Variants in LRMDA observed in about 807,000 individuals in gnomAD.
LRMDA encodes leucine rich melanocyte differentiation associated, also known as leucine-rich melanocyte differentiation-associated protein.
In LRMDA, 18 loss-of-function variants were observed where a neutral mutation model predicts 29.8. The observed-to-expected ratio is 0.60, with a 90% CI of 0.42 to 0.90. The LOEUF (loss-of-function observed/expected upper bound fraction) is 0.90, where lower values mean the gene tolerates loss of function less well. Ranked by LOEUF, LRMDA falls within the 40% of genes least tolerant of loss-of-function variation. The pLI is 0.00. For missense variants in LRMDA, 273 were observed against 273.9 expected (o/e 1.00, Z 0.02); for synonymous variants, 125 against 109.4 (o/e 1.14, Z -0.89).
intron 6 of LRMDA, among the ~76,000 whole-genome samples, chr10:76,555,495 C>T (rs945389994): frequency 1.4e-4 from 21 of 152,092 alleles, no homozygotes; most frequent in Admixed American, 1.2e-3. Flanking sequence ...GCTTTGAGGC[C>T]GTGGAACAAT....
intron 2 of LRMDA, among the ~76,000 whole-genome samples, chr10:75,795,796 G>T (rs370869369): frequency 3.3e-5 from 5 of 152,114 alleles, no homozygotes; most frequent in South Asian, 4.1e-4. Flanking sequence ...AGCCTGTGGG[G>T]TTTTGATTGG....
chr10:76,277,338 C>T (rs1840148289), intron 5 of LRMDA, among the ~76,000 whole-genome samples: 1 of 152,098 alleles, frequency 6.6e-6, no homozygotes, highest in Non-Finnish European at 1.5e-5. Flanking sequence ...TTTTCCCCAT[C>T]CTCAGTATCC....
chr10:75,504,532 A>G (rs992754416), intron 2 of LRMDA, among the ~76,000 whole-genome samples: 4 of 152,210 alleles, frequency 2.6e-5, no homozygotes, highest in Admixed American at 2.6e-4. Flanking sequence ...GAGATATTGT[A>G]AGACAGCCTC....
At chr10:76,181,105 C>T (rs539526331) in intron 5 of LRMDA, among the ~76,000 whole-genome samples, 4 of 152,288 alleles carry the variant, frequency 2.6e-5, no homozygotes, top group African/African-American at 9.6e-5. Flanking sequence ...GGACCTGGAT[C>T]CCCAGCCCAT....
At chr10:75,621,484 T>C (rs373778406) in intron 2 of LRMDA, among the ~76,000 whole-genome samples, 2 of 152,164 alleles carry the variant, frequency 1.3e-5, no homozygotes, top group African/African-American at 4.8e-5. Flanking sequence ...AATGAATGAC[T>C]TTTTCCTCCC....
intron 5 of LRMDA, among the ~76,000 whole-genome samples, chr10:76,197,756 TA>T (rs79404626): frequency 0.17 from 25,666 of 151,714 alleles, 2,708 homozygotes; most frequent in East Asian, 0.52. Context: ...CCATCTCTAC[TA>T]AAAAATACAA....
At position 75,935,307 on chromosome 10, in the gene LRMDA, G is replaced by A. The variant is rs80296748; in HGVS notation, c.132-100701G>A. ...TCCCCCGGATGAACAATGATTGTGTGGTTGAAGACCTGGCTGAATAAGTGT... is the reference window on the plus strand; with the variant it reads ...TCCCCCGGATGAACAATGATTGTGTAGTTGAAGACCTGGCTGAATAAGTGT... On this transcript the variant is annotated intron_variant, in intron 2 of 6. Transcript: ENST00000611255. Among the ~76,000 whole-genome samples the A allele has an allele frequency of 9.6e-3, 1,467 of 152,284 alleles. 17 individuals carry two copies. Among genetic ancestry groups the A allele is most frequent in the African/African-American group, 0.034 (1,392 of 41,550 alleles).
intron 2 of LRMDA, among the ~76,000 whole-genome samples, chr10:75,900,407 T>A (rs1312332577): frequency 6.6e-6 from 1 of 152,120 alleles, no homozygotes; most frequent in African/African-American, 2.4e-5. Flanking sequence ...GGAAACAAAA[T>A]TTTTAAAAAG....
chr10:75,797,510 G>C (rs1843673026), intron 2 of LRMDA, among the ~76,000 whole-genome samples: 1 of 152,012 alleles, frequency 6.6e-6, no homozygotes, highest in Admixed American at 6.6e-5. Flanking sequence ...GAAGATTTCT[G>C]TCACCCTTAA....
At chr10:75,501,500 T>C (rs1845112923) in intron 2 of LRMDA, among the ~76,000 whole-genome samples, 1 of 152,202 alleles carries the variant, frequency 6.6e-6, no homozygotes, top group Admixed American at 6.5e-5. Flanking sequence ...GCAGGTGGTG[T>C]GGGCCTGTTT....
At chr10:76,535,005 C>A (rs1248392155) in intron 6 of LRMDA, among the ~76,000 whole-genome samples, 1 of 152,166 alleles carries the variant, frequency 6.6e-6, no homozygotes, top group Non-Finnish European at 1.5e-5. Flanking sequence ...CTTCCACCAG[C>A]AGATTATAGT....
intron 2 of LRMDA, among the ~76,000 whole-genome samples, chr10:75,464,754 G>A (rs955587300): frequency 3.3e-5 from 5 of 152,134 alleles, no homozygotes; most frequent in Non-Finnish European, 5.9e-5. Context: ...CAATACTACT[G>A]GGATCAGGGG....
chr10:76,222,746 C>A (rs949660231), intron 5 of LRMDA, among the ~76,000 whole-genome samples: 3 of 152,142 alleles, frequency 2.0e-5, no homozygotes, highest in African/African-American at 7.2e-5. Context: ...TACCATTTGA[C>A]CCAGCCATCC....
At chr10:75,718,456 T>G (rs902004211) in intron 2 of LRMDA, among the ~76,000 whole-genome samples, 1 of 152,212 alleles carries the variant, frequency 6.6e-6, no homozygotes, top group Non-Finnish European at 1.5e-5. Context: ...TGAAGTCTTG[T>G]GGCCAAGATC....
intron 2 of LRMDA, among the ~76,000 whole-genome samples, chr10:75,946,705 A>G (rs1313564168): frequency 1.3e-5 from 2 of 152,170 alleles, no homozygotes; most frequent in Admixed American, 1.3e-4. Flanking sequence ...ATTTTATAAC[A>G]TTAGTAACTT....
At chr10:76,036,732 A>G (rs528025298) in intron 3 of LRMDA, among the ~76,000 whole-genome samples, 6 of 152,256 alleles carry the variant, frequency 3.9e-5, no homozygotes, top group Admixed American at 2.6e-4. Context: ...GGCCTCCTCT[A>G]TGGAGGCAAG....
chr10:76,181,654 C>A (rs758933660), intron 5 of LRMDA, among the ~76,000 whole-genome samples: 2 of 152,152 alleles, frequency 1.3e-5, no homozygotes, highest in Non-Finnish European at 2.9e-5. Flanking sequence ...GAGATAAGGA[C>A]CTCTTTCTAA....
intron 2 of LRMDA, among the ~76,000 whole-genome samples, chr10:75,814,494 G>A (rs1844022728): frequency 6.6e-6 from 1 of 152,128 alleles, no homozygotes; most frequent in Admixed American, 6.5e-5. Context: ...GCATGTTATT[G>A]GACTTTCGTT....
chr10:76,530,892 G>A (rs1262314241), intron 6 of LRMDA, among the ~76,000 whole-genome samples: 1 of 152,166 alleles, frequency 6.6e-6, no homozygotes, highest in Non-Finnish European at 1.5e-5. Flanking sequence ...TTTTCAGAAT[G>A]TGCCATGCTT....
Sources: gnomAD v4.1 joint callset for allele counts (sites outside exome capture counted in the v4.1 genomes callset) on GRCh38, gnomAD v4.1.1 for gene constraint, MANE v1.5 for transcripts, NCBI Gene and HGNC (gene_info 2026-07-23, HGNC 2026-07-21) for gene names.